GULP1: variants seen among roughly 807,000 people sequenced by gnomAD.
GULP1 encodes the protein GULP PTB domain containing engulfment adaptor 1.
A neutral mutation model predicts 40.9 loss-of-function variants in GULP1; 19 were observed. That is an observed-to-expected ratio of 0.46 (90% CI 0.32 to 0.68). The LOEUF is 0.68. Among genes scored for constraint, GULP1 ranks in the 30% least tolerant of loss-of-function variants. GULP1 has a pLI of 0.03. For synonymous variants in GULP1, 119 were observed against 117.6 expected (o/e 1.01, Z -0.08); for missense variants, 312 against 362.2 (o/e 0.86, Z 1.12).
intron 1 of GULP1, among the ~76,000 whole-genome samples, chr2:188,321,582 T>G (rs752337621): frequency 1.3e-5 from 2 of 152,194 alleles, no homozygotes; most frequent in African/African-American, 2.4e-5. Context: ...CTGGCACTGT[T>G]TATCACTTGT....
chr2:188,510,426 G>A (rs1294620448), intron 4 of GULP1, among the ~76,000 whole-genome samples: 3 of 151,920 alleles, frequency 2.0e-5, no homozygotes, highest in African/African-American at 7.3e-5. Context: ...TTGATAATTA[G>A]ATTCCAGCGC....
At chr2:188,443,378 A>C (rs921587691) in intron 2 of GULP1, among the ~76,000 whole-genome samples, 1 of 152,186 alleles carries the variant, frequency 6.6e-6, no homozygotes, top group Non-Finnish European at 1.5e-5. Context: ...CTGAATGTTC[A>C]AAGTCTGATC....
At chr2:188,394,526 T>C (rs1186302931) in intron 2 of GULP1, among the ~76,000 whole-genome samples, 1 of 152,194 alleles carries the variant, frequency 6.6e-6, no homozygotes, top group Non-Finnish European at 1.5e-5. Context: ...ATTTGGTATT[T>C]CAAAAATTTC....
intron 2 of GULP1, among the ~76,000 whole-genome samples, chr2:188,398,305 A>G (rs1187226896): frequency 1.3e-5 from 2 of 152,220 alleles, no homozygotes; most frequent in South Asian, 2.1e-4. Flanking sequence ...TAAGCCATCC[A>G]CTGGTAACAG....
At chr2:188,414,886 T>A (rs897063683) in intron 2 of GULP1, among the ~76,000 whole-genome samples, 1 of 152,168 alleles carries the variant, frequency 6.6e-6, no homozygotes, top group African/African-American at 2.4e-5. Flanking sequence ...ATTTTATAAT[T>A]ATAAGATGGG....
intron 1 of GULP1, among the ~76,000 whole-genome samples, chr2:188,360,730 G>T (rs1485714633): frequency 6.6e-6 from 1 of 151,958 alleles, no homozygotes; most frequent in Non-Finnish European, 1.5e-5. Flanking sequence ...TGCTGTTTTT[G>T]GAAAGATAGC....
intron 7 of GULP1, among the ~76,000 whole-genome samples, chr2:188,544,279 A>G (rs369470323): frequency 6.6e-6 from 1 of 152,116 alleles, no homozygotes; most frequent in East Asian, 1.9e-4. Flanking sequence ...GAGATATTAT[A>G]ATTATAGGAC....
chr2:188,557,814 T>C (rs973095998), intron 7 of GULP1, among the ~76,000 whole-genome samples: 3 of 152,118 alleles, frequency 2.0e-5, no homozygotes, highest in South Asian at 2.1e-4. Flanking sequence ...CTTAACACCA[T>C]GTGGAAACTG....
chr2:188,485,685 T>C (rs2061804727), intron 4 of GULP1, among the ~76,000 whole-genome samples: 1 of 152,066 alleles, frequency 6.6e-6, no homozygotes, highest in Non-Finnish European at 1.5e-5. Flanking sequence ...TGTATGCCTT[T>C]GGGAAAATTG....
chr2:188,520,333 C>G (rs1052889411), intron 4 of GULP1, among the ~76,000 whole-genome samples: 1 of 151,822 alleles, frequency 6.6e-6, no homozygotes, highest in African/African-American at 2.4e-5. Flanking sequence ...GTCAGGAGAT[C>G]AAGACCACCG....
At chr2:188,349,919 T>C (rs2044211607) in intron 1 of GULP1, among the ~76,000 whole-genome samples, 2 of 152,138 alleles carry the variant, frequency 1.3e-5, no homozygotes, top group Non-Finnish European at 2.9e-5. Context: ...CTTCATTATT[T>C]TACATCTGGA....
intron 1 of GULP1, among the ~76,000 whole-genome samples, chr2:188,317,471 C>A (rs1008137037): frequency 6.6e-6 from 1 of 151,972 alleles, no homozygotes; most frequent in African/African-American, 2.4e-5. Context: ...TTAATAATAA[C>A]CTGATTTGCA....
intron 2 of GULP1, among the ~76,000 whole-genome samples, chr2:188,443,183 G>A (rs1302749231): frequency 1.3e-5 from 2 of 152,056 alleles, no homozygotes; most frequent in Non-Finnish European, 2.9e-5. Context: ...TAGCTAAAGC[G>A]GGCTGTGGGG....
At chr2:188,568,392 C>T (rs1200614752) in intron 7 of GULP1, among the ~76,000 whole-genome samples, 2 of 152,030 alleles carry the variant, frequency 1.3e-5, no homozygotes, top group African/African-American at 4.8e-5. Context: ...AATCTTTAGT[C>T]TTTACTATGT....
At chr2:188,474,860 G>A (rs2060880011) in intron 2 of GULP1, among the ~76,000 whole-genome samples, 2 of 152,056 alleles carry the variant, frequency 1.3e-5, no homozygotes. Context: ...GCATGTGTTT[G>A]TAGTCACTAA....
At chr2:188,462,349 T>C (rs1195516086) in intron 2 of GULP1, among the ~76,000 whole-genome samples, 1 of 152,204 alleles carries the variant, frequency 6.6e-6, no homozygotes, top group Admixed American at 6.5e-5. Context: ...TAACATATGG[T>C]CTATCCTTAA....
At chr2:188,397,059 T>G (rs940308119) in intron 2 of GULP1, among the ~76,000 whole-genome samples, 1 of 152,348 alleles carries the variant, frequency 6.6e-6, no homozygotes, top group African/African-American at 2.4e-5. Flanking sequence ...TCTGCCTGGC[T>G]TAGAAGATGC....
rs371175236 is a variant in GULP1 at position 188,586,353 on chromosome 2, C to T, written c.749-1502C>T. On this transcript the variant is annotated intron_variant, in intron 10 of 11. Coordinates refer to ENST00000409830, the MANE Select transcript of GULP1 (RefSeq NM_016315.4). ...GGACATGTTTGAAGCAGAACCTTTT[C>T]ACCAAATCTTCCCTTTCATTAATTC... Among the ~76,000 whole-genome samples the T allele has an allele frequency of 2.0e-5, 3 of 152,188 alleles. No homozygotes were observed. The East Asian group carries it at 5.8e-4, about 29-fold the overall frequency.
chr2:188,524,627 T>G (rs908244384), intron 5 of GULP1, among the ~76,000 whole-genome samples: 1 of 150,950 alleles, frequency 6.6e-6, no homozygotes, highest in Non-Finnish European at 1.5e-5. Flanking sequence ...TTTTTTTGTG[T>G]GTCAAGGGTC....
Sources: gnomAD v4.1 joint callset for allele counts (sites outside exome capture counted in the v4.1 genomes callset) on GRCh38, gnomAD v4.1.1 for gene constraint, MANE v1.5 for transcripts, NCBI Gene and HGNC (gene_info 2026-07-23, HGNC 2026-07-21) for gene names.